Variants in HERC1 observed in about 807,000 individuals in gnomAD.
The protein encoded by HERC1 is probable E3 ubiquitin-protein ligase HERC1.
A neutral mutation model predicts 554.3 loss-of-function variants in HERC1; 160 were observed. The observed-to-expected ratio is 0.29, with a 90% CI of 0.25 to 0.33. The LOEUF (loss-of-function observed/expected upper bound fraction) is 0.33. HERC1 is among the 10% of genes least tolerant of loss of function. The pLI, the probability that HERC1 is intolerant of heterozygous loss-of-function variation, is 1.00. For synonymous variants in HERC1, 2,175 were observed against 2,131.7 expected, an observed-to-expected ratio of 1.02 and a Z score of -0.56; for missense variants, 4,919 against 5,918.5, an observed-to-expected ratio of 0.83 and a Z score of 5.54.
rs755553525 is a variant in HERC1, at chr15:63,659,841, G to A, written c.9319C>T (p.Arg3107Cys). 33 of 1,613,610 alleles carry A rather than the reference G, an allele frequency of 2.0e-5. No homozygotes were observed. The highest frequency in any genetic ancestry group is 1.1e-4 in the East Asian group (5 of 44,882). Reference sequence around the variant, plus strand: ...AACTGAACTGGTTCTGGTACAATGCGCCGGTCATTTAAACCAAGCGGTCCA... The same window carrying A: ...AACTGAACTGGTTCTGGTACAATGCACCGGTCATTTAAACCAAGCGGTCCA... ...LAGPLGLNDRRIVPEPVQFPD... is the reference protein window; with the variant it reads ...LAGPLGLNDRCIVPEPVQFPD... Residue 3107 changes from arginine (R) to cysteine (C), a missense_variant, in exon 47 of 78, where the codon CGC becomes TGC. Coordinates refer to ENST00000443617, the MANE Select transcript of HERC1 (RefSeq NM_003922.4).
chr15:63,829,573 A>G (rs377586711), intron 1 of HERC1, among the ~76,000 whole-genome samples: 33,140 of 130,964 alleles, frequency 0.25, 5,001 homozygotes, highest in Middle Eastern at 0.38. Flanking sequence ...ATATATATAT[A>G]TATATATATA....
chr15:63,616,401 A>G (rs1205191386), intron 75 of HERC1, 29 bp downstream of exon 75: 3 of 1,601,800 alleles, frequency 1.9e-6, no homozygotes, highest in Non-Finnish European at 2.6e-6. Context: ...CGTCAACACC[A>G]GTAGAAACAT....
intron 12 of HERC1, among the ~76,000 whole-genome samples, chr15:63,743,171 T>C (rs913221265): frequency 1.3e-5 from 2 of 152,062 alleles, no homozygotes; most frequent in African/African-American, 2.4e-5. Flanking sequence ...TTTGAGACTA[T>C]TTTCTAGATC....
intron 2 of HERC1, among the ~76,000 whole-genome samples, chr15:63,770,588 T>C (rs2075921722): frequency 6.6e-6 from 1 of 152,244 alleles, no homozygotes; most frequent in South Asian, 2.1e-4. Context: ...CCTATTCTCA[T>C]ATAAGTTAAT....
intron 18 of HERC1, among the ~76,000 whole-genome samples, chr15:63,725,027 G>A (rs2073983371): frequency 6.6e-6 from 1 of 152,164 alleles, no homozygotes; most frequent in Non-Finnish European, 1.5e-5. Flanking sequence ...CATTGAGTTA[G>A]ATGACTTGCT....
chr15:63,679,406 T>C (rs1221316417), intron 36 of HERC1, among the ~76,000 whole-genome samples: 1 of 152,194 alleles, frequency 6.6e-6, no homozygotes, highest in Non-Finnish European at 1.5e-5. Flanking sequence ...GGTCCAGCAA[T>C]TTCATTATGG....
chr15:63,758,297 T>C lies in HERC1; in HGVS notation c.1099A>G (p.Ile367Val), dbSNP rs1023013912. Residue 367 changes from isoleucine to valine, a missense_variant, in exon 4 of 78, where the codon ATT becomes GTT. Physicochemically the swap from Ile to Val is conservative, Grantham distance 29. Coordinates refer to ENST00000443617, the MANE Select transcript of HERC1 (RefSeq NM_003922.4). This position sits in a 1 kb window ranked among gnomAD's most constrained non-coding sequence, Gnocchi z 4.0. ...TAAACCTCACAGGTTTCGGAGACAA[T>C]GGGAGCATCACCAGTCTGAATGCTA... ...PDSIQTGDAP[I>V]VSETCEVYVW... 1.9e-6 allele frequency: 3 copies of C among 1,613,600 alleles called. No homozygotes were observed. Among genetic ancestry groups the C allele is most frequent in the African/African-American group, 2.7e-5 (2 of 74,912 alleles).
At chr15:63,643,186 A>G (rs141225310) in intron 58 of HERC1, 128 bp from the exon 59 acceptor site, 1 of 828,656 alleles carries the variant, frequency 1.2e-6, no homozygotes, top group East Asian at 2.7e-5. Context: ...GCAACGTCCA[A>G]TCACATACCT....
intron 16 of HERC1, among the ~76,000 whole-genome samples, chr15:63,728,398 C>T (rs1352926866): frequency 6.6e-6 from 1 of 152,088 alleles, no homozygotes; most frequent in Non-Finnish European, 1.5e-5. Flanking sequence ...TATATCAGGG[C>T]AGAGAAGGTC....
chr15:63,656,002 T>C (rs1173168612), intron 49 of HERC1, 47 bp from the exon 50 acceptor site: 1 of 1,593,776 alleles, frequency 6.3e-7, no homozygotes, highest in South Asian at 1.1e-5. Context: ...CATGTAATTT[T>C]GGAACAAAAA....
chr15:63,798,967 A>G (rs2076895246), intron 1 of HERC1, among the ~76,000 whole-genome samples: 1 of 152,220 alleles, frequency 6.6e-6, no homozygotes, highest in Admixed American at 6.5e-5. Flanking sequence ...AAAGGGCACA[A>G]ATAATTTCTT....
intron 8 of HERC1, 149 bp downstream of exon 8, chr15:63,752,809 C>T (rs548186663): frequency 1.4e-6 from 1 of 729,824 alleles, no homozygotes; most frequent in African/African-American, 1.8e-5. Flanking sequence ...CTCAGATACT[C>T]TACTTCAAAC....
intron 1 of HERC1, among the ~76,000 whole-genome samples, chr15:63,786,451 A>C (rs1211655510): frequency 6.6e-6 from 1 of 152,178 alleles, no homozygotes; most frequent in South Asian, 2.1e-4. Flanking sequence ...ACTTGTACAC[A>C]AACATTCACT....
rs149265192 is a variant in HERC1, at chr15:63,645,457, C to T, written c.11078+26G>A. 131 of 1,555,634 alleles carry T rather than the reference C, an allele frequency of 8.4e-5. No homozygotes were observed. The African/African-American group carries it at 1.5e-3, about 18-fold the overall frequency. The stretch of plus-strand genomic sequence containing the variant: ...GTCTATACCAATATAAAAACTAAGA[C>T]GTATAGATGCAAATTGACAACATAC... On this transcript the variant is annotated intron_variant, in intron 56 of 77. Coordinates refer to ENST00000443617, the MANE Select transcript of HERC1 (RefSeq NM_003922.4).
rs74020812 is a variant in HERC1, at chr15:63,637,814, T to C, written c.12094-171A>G. Among the ~76,000 whole-genome samples, 1,607 of 152,080 alleles carry C rather than the reference T, an allele frequency of 0.011. 22 individuals are homozygous for C. Among genetic ancestry groups the C allele is most frequent in the African/African-American group, 0.037 (1,548 of 41,490 alleles). On this transcript the variant is annotated intron_variant, in intron 63 of 77. Transcript: ENST00000443617. The stretch of plus-strand genomic sequence containing the variant: ...CAGTCCCGTAACTCCTTGATGACTA[T>C]AAAACTGCTTATTTAACCAAGAGAT...
chr15:63,742,533 C>CT (rs1442742331), intron 12 of HERC1, among the ~76,000 whole-genome samples: 2 of 152,064 alleles, frequency 1.3e-5, no homozygotes, highest in Admixed American at 6.5e-5. Flanking sequence ...GAGTGGAAGT[C>CT]TTTATTTTAT....
intron 1 of HERC1, among the ~76,000 whole-genome samples, chr15:63,803,393 C>G (rs772324165): frequency 6.6e-6 from 1 of 151,972 alleles, no homozygotes; most frequent in Non-Finnish European, 1.5e-5. Flanking sequence ...TGCTTCTTAT[C>G]AACATCGTGG....
At chr15:63,682,448 A>G (rs1326752974) in intron 34 of HERC1, among the ~76,000 whole-genome samples, 1 of 152,148 alleles carries the variant, frequency 6.6e-6, no homozygotes, top group African/African-American at 2.4e-5. Flanking sequence ...TCTCTCCTCC[A>G]GTGGGAGGGG....
rs78824147 is a variant in HERC1 at position 63,616,129 on chromosome 15, C to T, written c.13942-209G>A. 0.023 allele frequency among the ~76,000 whole-genome samples: 3,532 copies of T among 152,276 alleles called. 55 individuals are homozygous for T. Among genetic ancestry groups the T allele is most frequent in the Middle Eastern group, 0.037 (11 of 294 alleles). On this transcript the variant is annotated intron_variant, in intron 75 of 77. Coordinates refer to ENST00000443617, the MANE Select transcript of HERC1 (RefSeq NM_003922.4). Reference sequence around the variant, plus strand: ...TAGTTAAAAATGGGACAAAATCTCTCTGTTCACAAACCAAGCCTGTTGAAC... The same window carrying T: ...TAGTTAAAAATGGGACAAAATCTCTTTGTTCACAAACCAAGCCTGTTGAAC...
Sources: gnomAD v4.1 joint callset for allele counts (sites outside exome capture counted in the v4.1 genomes callset) on GRCh38, gnomAD v4.1.1 for gene constraint, Gnocchi (gnomAD v3.1) non-coding constraint, MANE v1.5 for transcripts, NCBI Gene and HGNC (gene_info 2026-07-23, HGNC 2026-07-21) for gene names.